The following MYCBP2 variants were observed in gnomAD, a reference collection of about 807,000 sequenced individuals.
The protein encoded by MYCBP2 is E3 ubiquitin-protein ligase MYCBP2.
MYCBP2 carries 120 observed loss-of-function variants against 525.3 expected under a neutral mutation model. The ratio of observed to expected loss-of-function variants is 0.23; its 90% CI spans 0.20 to 0.27. MYCBP2 has a LOEUF of 0.27. MYCBP2 is among the 10% of genes least tolerant of loss of function. The pLI is 1.00. For missense variants in MYCBP2, 4,149 were observed against 5,657.1 expected, an observed-to-expected ratio of 0.73 and a Z score of 8.55; for synonymous variants, 1,894 against 1,955.8, an observed-to-expected ratio of 0.97 and a Z score of 0.83.
intron 59 of MYCBP2, among the ~76,000 whole-genome samples, chr13:77,091,909 A>G (rs564015734): frequency 1.7e-4 from 26 of 152,174 alleles, no homozygotes; most frequent in African/African-American, 6.3e-4. Flanking sequence ...ACTAGCCTCA[A>G]AACAGTTTCT....
At position 77,062,678 on chromosome 13, in the gene MYCBP2, G is replaced by T; in HGVS notation, c.12692C>A (p.Ser4231Tyr). The change falls in exon 74 of 83, where the codon TCC becomes TAC. Residue 4231 changes from serine to tyrosine, a missense_variant. Transcript: ENST00000544440. ...ATTRLWLALA[S>Y]LCVLDQDHVD... ...GTGGTCCTGATCAAGAACACATAGGGATGCGAGAGCAAGCCAGAGCTGTTG... is the reference window on the plus strand; with the variant it reads ...GTGGTCCTGATCAAGAACACATAGGTATGCGAGAGCAAGCCAGAGCTGTTG... The T allele has an allele frequency of 1.2e-6, 2 of 1,614,176 alleles. No homozygotes were observed. Among genetic ancestry groups the T allele is most frequent in the Non-Finnish European group, 1.7e-6 (2 of 1,180,010 alleles).
chr13:77,240,553 G>C (rs2068666287), intron 17 of MYCBP2, among the ~76,000 whole-genome samples: 2 of 152,008 alleles, frequency 1.3e-5, no homozygotes, highest in African/African-American at 4.8e-5. Flanking sequence ...GGTTGCAGTG[G>C]GCCAAGATTG....
intron 30 of MYCBP2, 29 bp downstream of exon 30, chr13:77,188,922 A>G: frequency 6.5e-7 from 1 of 1,533,992 alleles, no homozygotes; most frequent in South Asian, 1.2e-5. Flanking sequence ...CTGAAGAGAA[A>G]AGCTGAAATT....
intron 26 of MYCBP2, among the ~76,000 whole-genome samples, chr13:77,203,316 TA>T (rs2062856900): frequency 1.3e-5 from 2 of 151,922 alleles, no homozygotes; most frequent in African/African-American, 4.8e-5. Flanking sequence ...GAAAATAAAA[TA>T]CCTAGGAATC....
At chr13:77,160,088 C>T (rs541096087) in intron 44 of MYCBP2, among the ~76,000 whole-genome samples, 7 of 137,046 alleles carry the variant, frequency 5.1e-5, no homozygotes, top group South Asian at 4.8e-4. Flanking sequence ...TTTTTTGAGA[C>T]GGCGTTTCAC....
intron 17 of MYCBP2, 74 bp from the exon 18 acceptor site, chr13:77,233,337 CA>C: frequency 8.5e-7 from 1 of 1,175,076 alleles, no homozygotes. Flanking sequence ...AAAAATAATT[CA>C]AACTAAAAAG....
intron 1 of MYCBP2, among the ~76,000 whole-genome samples, chr13:77,325,498 C>T (rs2082179212): frequency 6.6e-6 from 1 of 152,190 alleles, no homozygotes; most frequent in African/African-American, 2.4e-5. Flanking sequence ...AAAGCACCCA[C>T]ATTTTAAGAA....
intron 55 of MYCBP2, chr13:77,118,647 C>A: frequency 1.8e-6 from 1 of 548,940 alleles, no homozygotes; most frequent in African/African-American, 1.9e-5. Flanking sequence ...GACTGTTAAT[C>A]ATCCTCAGAT....
intron 40 of MYCBP2, among the ~76,000 whole-genome samples, chr13:77,166,866 G>A (rs1458596443): frequency 6.6e-6 from 1 of 152,048 alleles, no homozygotes; most frequent in African/African-American, 2.4e-5. Flanking sequence ...CTCTCTAAGT[G>A]TATATCCAAT....
intron 5 of MYCBP2, chr13:77,272,389 T>C (rs770010574): frequency 4.6e-5 from 7 of 152,206 alleles, no homozygotes; most frequent in Non-Finnish European, 1.0e-4. Flanking sequence ...TCTAATGGCA[T>C]TCCTAAGTCT....
At chr13:77,094,843 C>G (rs930557908) in intron 58 of MYCBP2, among the ~76,000 whole-genome samples, 2 of 152,122 alleles carry the variant, frequency 1.3e-5, no homozygotes, top group African/African-American at 4.8e-5. Context: ...TTGTAGCACT[C>G]CTCACATGGC....
chr13:77,237,781 C>T (rs2068147952), intron 17 of MYCBP2, among the ~76,000 whole-genome samples: 1 of 152,010 alleles, frequency 6.6e-6, no homozygotes, highest in South Asian at 2.1e-4. Context: ...TAATGGTTCT[C>T]TTTGTATAAA....
chr13:77,306,746 A>T (rs1426355975), intron 1 of MYCBP2, among the ~76,000 whole-genome samples: 3 of 152,202 alleles, frequency 2.0e-5, no homozygotes, highest in Non-Finnish European at 4.4e-5. Flanking sequence ...TATTCATCCC[A>T]GGCCTCAGAG....
chr13:77,087,386 A>T, intron 62 of MYCBP2, 98 bp downstream of exon 62: 1 of 1,047,920 alleles, frequency 9.5e-7, no homozygotes, highest in South Asian at 1.6e-5. Flanking sequence ...CTTTCAAGTT[A>T]GATCTGCGAA....
At chr13:77,151,593 A>G (rs2056459911) in intron 46 of MYCBP2, among the ~76,000 whole-genome samples, 1 of 152,208 alleles carries the variant, frequency 6.6e-6, no homozygotes, top group Non-Finnish European at 1.5e-5. Flanking sequence ...TCTTTCGTCC[A>G]CTAACTCTAC....
chr13:77,106,085 G>C (rs1000869719), intron 55 of MYCBP2, among the ~76,000 whole-genome samples: 10 of 152,070 alleles, frequency 6.6e-5, no homozygotes, highest in African/African-American at 2.4e-4. Flanking sequence ...TGGTTTTGCT[G>C]TATCAGGACC....
intron 63 of MYCBP2, 82 bp downstream of exon 63, chr13:77,082,949 CT>C: frequency 2.9e-6 from 4 of 1,362,096 alleles, no homozygotes; most frequent in South Asian, 1.5e-5. Flanking sequence ...ATTTAAAGAG[CT>C]TTTTTTGGAG....
At chr13:77,061,116 T>G in intron 76 of MYCBP2, 53 bp downstream of exon 76, 3 of 1,550,428 alleles carry the variant, frequency 1.9e-6, no homozygotes, top group Non-Finnish European at 2.6e-6. Context: ...TTGGCACGGT[T>G]TAATCTTTTT....
chr13:77,211,426 G>GA, intron 22 of MYCBP2, 106 bp from the exon 23 acceptor site: 1 of 513,496 alleles, frequency 1.9e-6, no homozygotes, highest in Non-Finnish European at 2.8e-6. Flanking sequence ...AATAAGCAGA[G>GA]AATAAAAGAG....
Sources: gnomAD v4.1 joint callset for allele counts (sites outside exome capture counted in the v4.1 genomes callset) on GRCh38, gnomAD v4.1.1 for gene constraint, MANE v1.5 for transcripts, NCBI Gene and HGNC (gene_info 2026-07-23, HGNC 2026-07-21) for gene names.